SGK1: variants seen among roughly 807,000 people sequenced by gnomAD.
The protein encoded by SGK1 is serum/glucocorticoid regulated kinase 1, also known as serine/threonine-protein kinase Sgk1.
In SGK1, 26 loss-of-function variants were observed where a neutral mutation model predicts 64.2. That is an observed-to-expected ratio of 0.40 (90% CI 0.30 to 0.56). The LOEUF (loss-of-function observed/expected upper bound fraction) is 0.56, where lower values mean the gene tolerates loss of function less well. Ranked by LOEUF, SGK1 falls within the 20% of genes least tolerant of loss-of-function variation. SGK1 has a pLI of 0.38. For missense variants in SGK1, 519 were observed against 645.6 expected, an observed-to-expected ratio of 0.80 and a Z score of 2.12; for synonymous variants, 265 against 239.7, an observed-to-expected ratio of 1.11 and a Z score of -0.98.
intron 1 of SGK1, chr6:134,298,255 C>T: frequency 6.3e-7 from 1 of 1,580,864 alleles, no homozygotes; most frequent in Non-Finnish European, 8.6e-7. Context: ...CAGCTGCCGC[C>T]TAAGGTTGTT....
At chr6:134,209,526 G>C (rs1775851055) in intron 2 of SGK1, among the ~76,000 whole-genome samples, 2 of 152,134 alleles carry the variant, frequency 1.3e-5, no homozygotes, top group African/African-American at 4.8e-5. Context: ...TATATATTTT[G>C]TAATGTGATC....
Position 134,172,208 on chromosome 6 carries a change from G to T in SGK1, c.1056C>A (p.Phe352Leu). 6.2e-7 allele frequency: 1 copy of T among 1,614,122 alleles called. No individual in the cohort carries two copies. Among genetic ancestry groups the T allele is most frequent in the South Asian group, 1.1e-5 (1 of 91,072 alleles). The change falls in exon 10 of 14, where the codon TTC becomes TTA. Residue 352 changes from phenylalanine to leucine, a missense_variant. Physicochemically the swap from Phe to Leu is conservative, Grantham distance 22. Coordinates refer to ENST00000367858, the MANE Select transcript of SGK1 (RefSeq NM_001143676.3). ...CAGCGCCTACCTCCGGCGTGCCACAGAAGGTGGATGTTGTGCTGTTGTGTT... is the reference window on the plus strand; with the variant it reads ...CAGCGCCTACCTCCGGCGTGCCACATAAGGTGGATGTTGTGCTGTTGTGTT... ...NIEHNSTTST[F>L]CGTPEYLAPE...
intron 1 of SGK1, among the ~76,000 whole-genome samples, chr6:134,306,613 T>C (rs1777539045): frequency 6.6e-6 from 1 of 151,848 alleles, no homozygotes; most frequent in Non-Finnish European, 1.5e-5. Context: ...AACCTCCACC[T>C]TCTGGGTTCA....
At chr6:134,181,138 C>CTAAGA (rs1775325321) in intron 3 of SGK1, among the ~76,000 whole-genome samples, 2 of 152,118 alleles carry the variant, frequency 1.3e-5, no homozygotes, top group African/African-American at 2.4e-5. Flanking sequence ...AGAATCCTTC[C>CTAAGA]TAAGACACAC....
At chr6:134,258,566 G>C (rs530347928) in intron 2 of SGK1, among the ~76,000 whole-genome samples, 1 of 152,084 alleles carries the variant, frequency 6.6e-6, no homozygotes, top group Non-Finnish European at 1.5e-5. Context: ...TTCGCCAGGC[G>C]TGGTGGCGGG....
chr6:134,303,617 G>A (rs188102269), intron 1 of SGK1, among the ~76,000 whole-genome samples: 2 of 151,784 alleles, frequency 1.3e-5, no homozygotes, highest in East Asian at 1.9e-4. Flanking sequence ...TTATATTTTA[G>A]TGAAATAGAA....
intron 2 of SGK1, chr6:134,215,107 A>G (rs1354949224): frequency 1.1e-5 from 5 of 450,126 alleles, no homozygotes; most frequent in Non-Finnish European, 8.9e-6. Flanking sequence ...GAAAATAAAC[A>G]TGAGAGTAAG....
intron 1 of SGK1, among the ~76,000 whole-genome samples, chr6:134,285,050 C>T (rs774731165): frequency 1.1e-4 from 17 of 152,064 alleles, no homozygotes; most frequent in Non-Finnish European, 8.8e-5. Flanking sequence ...TGGGTAGAGA[C>T]CCAGTAGTGG....
chr6:134,270,213 C>T (rs1448164250), intron 1 of SGK1, among the ~76,000 whole-genome samples: 3 of 147,982 alleles, frequency 2.0e-5, no homozygotes, highest in Admixed American at 6.9e-5. Context: ...CAGGCGTGAG[C>T]CACCGCACCA....
At chr6:134,222,806 A>G (rs9402573) in intron 2 of SGK1, among the ~76,000 whole-genome samples, 1 of 152,044 alleles carries the variant, frequency 6.6e-6, no homozygotes, top group African/African-American at 2.4e-5. Flanking sequence ...GTTTTCTTGC[A>G]CTCATCAAAA....
intron 1 of SGK1, among the ~76,000 whole-genome samples, chr6:134,266,476 G>A (rs781316827): frequency 3.9e-4 from 59 of 152,062 alleles, no homozygotes; most frequent in Non-Finnish European, 6.3e-4. Flanking sequence ...TTAGCTGGGC[G>A]TGGTGGTGCA....
At chr6:134,226,831 T>C (rs539259275) in intron 2 of SGK1, among the ~76,000 whole-genome samples, 12 of 151,438 alleles carry the variant, frequency 7.9e-5, no homozygotes, top group Non-Finnish European at 1.6e-4. Context: ...GACTGCAGGC[T>C]CATGCCACCA....
intron 1 of SGK1, among the ~76,000 whole-genome samples, chr6:134,316,890 T>TAG (rs1449404604): frequency 2.0e-5 from 3 of 151,888 alleles, no homozygotes; most frequent in African/African-American, 7.3e-5. Context: ...ATACCACAGA[T>TAG]AGAGACACAG....
chr6:134,207,637 A>G (rs940731960), intron 2 of SGK1, among the ~76,000 whole-genome samples: 3 of 152,186 alleles, frequency 2.0e-5, no homozygotes, highest in African/African-American at 7.2e-5. Flanking sequence ...GTCCTGGGCA[A>G]ACCGGGACAG....
At chr6:134,203,771 G>T (rs953850884) in intron 3 of SGK1, among the ~76,000 whole-genome samples, 1 of 152,064 alleles carries the variant, frequency 6.6e-6, no homozygotes, top group African/African-American at 2.4e-5. Context: ...TAATCATAAA[G>T]ATGTGTGTGT....
At chr6:134,278,934 T>C (rs1387720496) in intron 1 of SGK1, among the ~76,000 whole-genome samples, 1 of 151,784 alleles carries the variant, frequency 6.6e-6, no homozygotes, top group African/African-American at 2.4e-5. Context: ...GGAAAATGAC[T>C]GTTAACATGA....
At chr6:134,297,328 C>T in intron 1 of SGK1, 1 of 1,156,396 alleles carries the variant, frequency 8.6e-7, no homozygotes. Context: ...CGCGCCATGT[C>T]CTGCTAGGCC....
In SGK1 at chr6:134,174,515, T is replaced by G. The variant is rs1425345145; in HGVS notation, c.433A>C (p.Lys145Gln). 6.2e-7 allele frequency: 1 copy of G among 1,611,354 alleles called. No individual in the cohort carries two copies. ...QKIANNSYAC[K>Q]HPEVQSILKI... The stretch of plus-strand genomic sequence containing the variant: ...CTCAAATCCGGTCAAACTTACTGTT[T>G]GCATGCATAGGAGTTATTGGCAATC... The change falls in exon 4 of 14, where the codon AAA becomes CAA. Residue 145 changes from lysine to glutamine, a missense_variant. Physicochemically the swap from Lys to Gln is moderately conservative, Grantham distance 53. Transcript: ENST00000367858.
At chr6:134,254,114 CTT>C (rs57975960) in intron 2 of SGK1, among the ~76,000 whole-genome samples, 3 of 126,806 alleles carry the variant, frequency 2.4e-5, no homozygotes, top group African/African-American at 9.0e-5. Context: ...CTAGTCTCTC[CTT>C]TTTTTTTTTT....
Sources: gnomAD v4.1 joint callset for allele counts (sites outside exome capture counted in the v4.1 genomes callset) on GRCh38, gnomAD v4.1.1 for gene constraint, MANE v1.5 for transcripts, NCBI Gene and HGNC (gene_info 2026-07-23, HGNC 2026-07-21) for gene names.